Variants in PPFIA2 observed in about 807,000 individuals in gnomAD.
PPFIA2 encodes the protein liprin-alpha-2.
Under a neutral mutation model 175.5 loss-of-function variants are expected in PPFIA2, and 46 were observed. The observed-to-expected ratio is 0.26, with a 90% CI of 0.21 to 0.34. The LOEUF is 0.34. Ranked by LOEUF, PPFIA2 falls within the 10% of genes least tolerant of loss-of-function variation. PPFIA2 has a pLI of 1.00. For missense variants in PPFIA2, 1,179 were observed against 1,506.1 expected, an observed-to-expected ratio of 0.78 and a Z score of 3.60; for synonymous variants, 568 against 511.4, an observed-to-expected ratio of 1.11 and a Z score of -1.49.
At chr12:81,711,982 T>C (rs1247400283) in intron 3 of PPFIA2, among the ~76,000 whole-genome samples, 1 of 151,174 alleles carries the variant, frequency 6.6e-6, no homozygotes, top group African/African-American at 2.4e-5. Context: ...GAGAAAATAA[T>C]AATTCAACAT....
At chr12:81,527,841 A>G (rs1019923954) in intron 4 of PPFIA2, among the ~76,000 whole-genome samples, 1 of 152,076 alleles carries the variant, frequency 6.6e-6, no homozygotes, top group Non-Finnish European at 1.5e-5. Flanking sequence ...TCCATCATAT[A>G]AGGACACAAG....
At chr12:81,683,486 C>A (rs1040988486) in intron 3 of PPFIA2, among the ~76,000 whole-genome samples, 2 of 151,970 alleles carry the variant, frequency 1.3e-5, no homozygotes, top group African/African-American at 4.8e-5. Flanking sequence ...GACCAAAACC[C>A]TAAATGGTTT....
chr12:81,661,993 G>A (rs190104795), intron 4 of PPFIA2, among the ~76,000 whole-genome samples: 109 of 152,182 alleles, frequency 7.2e-4, no homozygotes, highest in African/African-American at 2.4e-3. Flanking sequence ...GATGTTCTTC[G>A]AAACCAACGA....
At chr12:81,715,786 A>G (rs1394343326) in intron 3 of PPFIA2, among the ~76,000 whole-genome samples, 1 of 151,800 alleles carries the variant, frequency 6.6e-6, no homozygotes, top group Non-Finnish European at 1.5e-5. Flanking sequence ...AGCTAATGGC[A>G]TTATGCTCCC....
intron 3 of PPFIA2, among the ~76,000 whole-genome samples, chr12:81,714,746 T>C (rs1482736757): frequency 6.6e-6 from 1 of 151,106 alleles, no homozygotes. Context: ...GCAAAAACAG[T>C]TTTCATAAAA....
Position 81,740,358 on chromosome 12 carries a change from AGCAAGTAGTAAGGGTTTACTAAGAGCCAG to A in PPFIA2, c.249+13586_249+13614del, listed in dbSNP as rs1178879626. ...TGTTATGACTCTTAAGTAATCAAAC[AGCAAGTAGTAAGGGTTTACTAAGAGCCAG>A]GCAGCCTTAGCTAATTCAGAGATAC... On this transcript the variant is annotated intron_variant, in intron 3 of 32. Transcript: ENST00000549396. Among the ~76,000 whole-genome samples, 3 of 152,332 alleles carry A rather than the reference AGCAAGTAGTAAGGGTTTACTAAGAGCCAG, an allele frequency of 2.0e-5. No homozygotes were observed. In the South Asian group the frequency reaches 6.2e-4, roughly 32 times the overall value.
Position 81,457,131 on chromosome 12 carries a change from G to A in PPFIA2, c.405+634C>T, listed in dbSNP as rs367900908. Among the ~76,000 whole-genome samples the A allele has an allele frequency of 3.8e-4, 58 of 151,862 alleles. 1 individual carries two copies. Among genetic ancestry groups the A allele is most frequent in the African/African-American group, 1.3e-3 (53 of 41,422 alleles). ...CCCAAGTAGCTGGGACTGCAGGTGC[G>A]TGCCACCAAGCCTGGCTGACTTTTG... On this transcript the variant is annotated intron_variant, in intron 5 of 32. Coordinates refer to ENST00000549396, the MANE Select transcript of PPFIA2 (RefSeq NM_003625.5).
intron 10 of PPFIA2, among the ~76,000 whole-genome samples, chr12:81,375,559 A>T (rs1397394085): frequency 6.6e-6 from 1 of 152,182 alleles, no homozygotes; most frequent in African/African-American, 2.4e-5. Context: ...ATTCTGGCTC[A>T]TGCCTATATG....
In PPFIA2 at chr12:81,261,958, GT is replaced by G; in HGVS notation, c.*23del. On this transcript the variant is annotated 3_prime_UTR_variant, in exon 32 of 33. Coordinates refer to ENST00000549396, the MANE Select transcript of PPFIA2 (RefSeq NM_003625.5). ...AAGGGAAACTACTCACAGCAGGTCA[GT>G]GCTGCCTCCTTTGAGTGGCTGGTCA... 1 of 1,590,884 alleles carries G rather than the reference GT, an allele frequency of 6.3e-7. No individual in the cohort carries two copies. The highest frequency in any genetic ancestry group is 8.6e-7 in the Non-Finnish European group (1 of 1,166,556).
At chr12:81,356,085 G>A (rs1204188977) in intron 16 of PPFIA2, among the ~76,000 whole-genome samples, 1 of 152,114 alleles carries the variant, frequency 6.6e-6, no homozygotes, top group South Asian at 2.1e-4. Flanking sequence ...GACTTAGTGA[G>A]AGATGTGCAA....
intron 4 of PPFIA2, among the ~76,000 whole-genome samples, chr12:81,476,040 T>C (rs1395046166): frequency 6.6e-6 from 1 of 152,218 alleles, no homozygotes; most frequent in Non-Finnish European, 1.5e-5. Flanking sequence ...TGATGTCTTT[T>C]TGTTGATGAT....
intron 3 of PPFIA2, among the ~76,000 whole-genome samples, chr12:81,742,631 T>A (rs1190217448): frequency 6.6e-6 from 1 of 152,038 alleles, no homozygotes; most frequent in Non-Finnish European, 1.5e-5. Flanking sequence ...GGAGAAGAGG[T>A]GAAAATTCTG....
At chr12:81,628,049 C>T (rs1040149235) in intron 4 of PPFIA2, among the ~76,000 whole-genome samples, 1 of 151,984 alleles carries the variant, frequency 6.6e-6, no homozygotes, top group African/African-American at 2.4e-5. Flanking sequence ...AATTTTTAAA[C>T]CATGGGCATT....
chr12:81,735,571 A>G (rs1022691049), intron 3 of PPFIA2, among the ~76,000 whole-genome samples: 9 of 151,786 alleles, frequency 5.9e-5, no homozygotes, highest in Non-Finnish European at 1.0e-4. Flanking sequence ...ATTTTGAAGT[A>G]TAAGTTTTTT....
At chr12:81,449,834 C>T (rs2145479048) in intron 5 of PPFIA2, among the ~76,000 whole-genome samples, 1 of 148,384 alleles carries the variant, frequency 6.7e-6, no homozygotes, top group Non-Finnish European at 1.5e-5. Context: ...GTTCCCCTTC[C>T]TGTGTCCAAA....
intron 4 of PPFIA2, among the ~76,000 whole-genome samples, chr12:81,656,473 A>G (rs1210521448): frequency 2.0e-5 from 3 of 152,134 alleles, no homozygotes; most frequent in Admixed American, 6.6e-5. Flanking sequence ...ATGTCCATGT[A>G]ACAAAGCTGC....
intron 4 of PPFIA2, among the ~76,000 whole-genome samples, chr12:81,478,328 G>T (rs994218093): frequency 3.9e-5 from 6 of 151,928 alleles, no homozygotes; most frequent in African/African-American, 1.4e-4. Context: ...CTGGCTAGCA[G>T]TCTATCTATT....
intron 4 of PPFIA2, among the ~76,000 whole-genome samples, chr12:81,490,768 T>G (rs1021455019): frequency 4.6e-5 from 7 of 151,978 alleles, no homozygotes; most frequent in Non-Finnish European, 8.8e-5. Context: ...TTATTCTTGT[T>G]TTTTGACTGC....
At chr12:81,540,562 G>T (rs888937006) in intron 4 of PPFIA2, among the ~76,000 whole-genome samples, 1 of 152,078 alleles carries the variant, frequency 6.6e-6, no homozygotes, top group East Asian at 1.9e-4. Context: ...CTTTAGGACA[G>T]GGAGAATTTA....
Sources: gnomAD v4.1 joint callset for allele counts (sites outside exome capture counted in the v4.1 genomes callset) on GRCh38, gnomAD v4.1.1 for gene constraint, MANE v1.5 for transcripts, NCBI Gene and HGNC (gene_info 2026-07-23, HGNC 2026-07-21) for gene names.